The following ANKRD31 variants were observed in gnomAD, a reference collection of about 807,000 sequenced individuals.
ANKRD31 encodes the protein ankyrin repeat domain-containing protein 31.
In ANKRD31, 147 loss-of-function variants were observed where a neutral mutation model predicts 186.0. That is an observed-to-expected ratio of 0.79 (90% CI 0.69 to 0.91). The LOEUF (loss-of-function observed/expected upper bound fraction) is 0.91, where lower values mean the gene tolerates loss of function less well. Among genes scored for constraint, ANKRD31 ranks in the 40% least tolerant of loss-of-function variants. The pLI, the probability that ANKRD31 is intolerant of heterozygous loss-of-function variation, is 0.00. For missense variants in ANKRD31, 1,986 were observed against 2,148.8 expected, an observed-to-expected ratio of 0.92 and a Z score of 1.50; for synonymous variants, 673 against 736.4, an observed-to-expected ratio of 0.91 and a Z score of 1.39.
chr5:75,189,620 C>A (rs1237196147), intron 9 of ANKRD31, among the ~76,000 whole-genome samples: 1 of 152,200 alleles, frequency 6.6e-6, no homozygotes, highest in Non-Finnish European at 1.5e-5. Context: ...TTACCATAAT[C>A]AGAGCAGTCT....
Position 75,147,192 on chromosome 5 carries a change from A to G in ANKRD31, c.2219T>C (p.Val740Ala), listed in dbSNP as rs2150146593. ...RRKTQHKRTQ[V>A]DDVDCNPRKI... is the part of the protein sequence containing the mutation. Reference sequence around the variant, plus strand: ...TCTTGGATTACAGTCTACATCATCTACTTGGGTCCTTTTATGTTGTGTTTT... The same window carrying G: ...TCTTGGATTACAGTCTACATCATCTGCTTGGGTCCTTTTATGTTGTGTTTT... Residue 740 changes from valine (V) to alanine (A), a missense_variant, in exon 14 of 26, where the codon GTA becomes GCA. By Grantham distance (64) the Val-to-Ala change is moderately conservative (BLOSUM62 0). Coordinates refer to ENST00000506364, the MANE Select transcript of ANKRD31 (RefSeq NM_001372053.1). 1 of 1,536,188 alleles carries G rather than the reference A, an allele frequency of 6.5e-7. No individual in the cohort carries two copies. The highest frequency in any genetic ancestry group is 8.7e-7 in the Non-Finnish European group (1 of 1,146,262).
chr5:75,134,182 G>C (rs11171061), intron 17 of ANKRD31, among the ~76,000 whole-genome samples: 1 of 149,394 alleles, frequency 6.7e-6, no homozygotes, highest in Non-Finnish European at 1.5e-5. Context: ...AACTGAAGGA[G>C]ATAGAGACAC....
At chr5:75,082,503 G>T (rs542516143) in intron 24 of ANKRD31, among the ~76,000 whole-genome samples, 3 of 152,340 alleles carry the variant, frequency 2.0e-5, no homozygotes, top group Non-Finnish European at 2.9e-5. Context: ...CTGTTATTCA[G>T]AAATGTGTGC....
chr5:75,217,534 CT>C (rs1164978253), intron 3 of ANKRD31, among the ~76,000 whole-genome samples: 1 of 151,992 alleles, frequency 6.6e-6, no homozygotes, highest in Non-Finnish European at 1.5e-5. Flanking sequence ...CTTTTTTGAT[CT>C]TTGTTGCTTA....
chr5:75,091,273 A>C lies in ANKRD31; in HGVS notation c.5460T>G (p.Tyr1820Ter). The C allele has an allele frequency of 6.5e-7, 1 of 1,536,368 alleles. No homozygotes were observed. Among genetic ancestry groups the C allele is most frequent in the Non-Finnish European group, 8.7e-7 (1 of 1,146,694 alleles). The change falls in exon 23 of 26, where the codon TAT becomes TAG. Residue 1820 changes from tyrosine (Y) to a stop codon, truncating the protein, a stop_gained. Coordinates refer to ENST00000506364, the MANE Select transcript of ANKRD31 (RefSeq NM_001372053.1). LOFTEE classifies it high-confidence loss of function. ...AAGAATGACCCACCTTACTCCAAGC[A>C]TAATTCCAGGTCACATAACTGTTGC... is the stretch of plus-strand genomic sequence containing the variant. ...LGGNSYVTWN[Y>*]AWSKVTYLGK... is the part of the protein sequence containing the mutation.
At chr5:75,209,676 C>A (rs1029742310) in intron 4 of ANKRD31, among the ~76,000 whole-genome samples, 8 of 150,478 alleles carry the variant, frequency 5.3e-5, no homozygotes, top group Non-Finnish European at 1.2e-4. Flanking sequence ...GACTATGGTT[C>A]AAAAAAAAAG....
In ANKRD31 at chr5:75,236,732, C is replaced by T; in HGVS notation, c.-46G>A. 6.9e-7 allele frequency: 1 copy of T among 1,445,160 alleles called. No homozygotes were observed. The highest frequency in any genetic ancestry group is 2.5e-5 in the East Asian group (1 of 39,266). 89.5% of individuals were successfully genotyped at this position (1,445,160 alleles called of 1,614,324 possible). A position where few individuals can be genotyped will look rare whatever the true frequency, so the allele number is the denominator to read the frequency against. On this transcript the variant is annotated 5_prime_UTR_variant, in exon 1 of 26. Coordinates refer to ENST00000506364, the MANE Select transcript of ANKRD31 (RefSeq NM_001372053.1). ...CTTTTTTACCCTCCTCTAACTCCCT[C>T]TTGCCCGCAAACAAAAAAACGCTTT...
At position 75,103,241 on chromosome 5, in the gene ANKRD31, T is replaced by C. The variant is rs139892902; in HGVS notation, c.5331+987A>G. Among the ~76,000 whole-genome samples the C allele has an allele frequency of 1.1e-3, 164 of 152,210 alleles. 1 individual carries two copies. Among genetic ancestry groups the C allele is most frequent in the Admixed American group, 3.0e-3 (46 of 15,286 alleles). On this transcript the variant is annotated intron_variant, in intron 22 of 25. Coordinates refer to ENST00000506364, the MANE Select transcript of ANKRD31 (RefSeq NM_001372053.1). Reference sequence around the variant, plus strand: ...GGCATTCATATGGCCAACAAAGATATGAAAAAAAGCTCAACATCACTGATC... The same window carrying C: ...GGCATTCATATGGCCAACAAAGATACGAAAAAAAGCTCAACATCACTGATC...
intron 25 of ANKRD31, among the ~76,000 whole-genome samples, chr5:75,078,461 A>G (rs1744835657): frequency 6.6e-6 from 1 of 152,206 alleles, no homozygotes; most frequent in Admixed American, 6.5e-5. Context: ...AGCATGTGCT[A>G]TTTTCAAATG....
intron 25 of ANKRD31, among the ~76,000 whole-genome samples, chr5:75,074,899 C>T (rs1394802366): frequency 1.3e-5 from 2 of 152,242 alleles, no homozygotes; most frequent in East Asian, 3.9e-4. Context: ...ACCTCCCTAG[C>T]TTCTTCCTTT....
In ANKRD31 at chr5:75,104,880, T is replaced by G; in HGVS notation, c.4679A>C (p.Asn1560Thr). The G allele has an allele frequency of 6.5e-7, 1 of 1,537,188 alleles. No individual in the cohort carries two copies. The highest frequency in any genetic ancestry group is 8.7e-7 in the Non-Finnish European group (1 of 1,146,872). ...TTCTCCCCTTCTCACTGCCTCTGAA[T>G]TTAGACAAATGTTGGTATTTTGGCT... ...NYSQNTNICL[N>T]SEAVRRGEFS... is the part of the protein sequence containing the mutation. Residue 1560 changes from asparagine to threonine, a missense_variant, in exon 22 of 26, where the codon AAT becomes ACT. Coordinates refer to ENST00000506364, the MANE Select transcript of ANKRD31 (RefSeq NM_001372053.1).
intron 10 of ANKRD31, 109 bp downstream of exon 10, chr5:75,188,384 T>C: frequency 9.3e-7 from 1 of 1,074,526 alleles, no homozygotes; most frequent in Non-Finnish European, 1.3e-6. Context: ...TCTGAAAGCC[T>C]TCTGTTTGGA....
At position 75,147,137 on chromosome 5, in the gene ANKRD31, T is replaced by C; in HGVS notation, c.2274A>G (p.Arg758=). 1 of 1,536,344 alleles carries C rather than the reference T, an allele frequency of 6.5e-7. No individual in the cohort carries two copies. Among genetic ancestry groups the C allele is most frequent in the Non-Finnish European group, 8.7e-7 (1 of 1,146,322 alleles). ...RKILAVSPSR[R]INRLVTYQQH... is the part of the protein sequence containing the mutation. ...GCTGATAGGTAACCAATCTGTTTATTCTCCTGGAAGGAGAGACAGCTAGTA... is the reference window on the plus strand; with the variant it reads ...GCTGATAGGTAACCAATCTGTTTATCCTCCTGGAAGGAGAGACAGCTAGTA... Residue 758 remains arginine (R), a synonymous_variant, in exon 14 of 26, where the codon AGA becomes AGG. Coordinates refer to ENST00000506364, the MANE Select transcript of ANKRD31 (RefSeq NM_001372053.1).
At chr5:75,154,459 G>T in intron 11 of ANKRD31, 114 bp from the exon 12 acceptor site, 1 of 929,970 alleles carries the variant, frequency 1.1e-6, no homozygotes, top group Non-Finnish European at 1.4e-6. Context: ...ATACTGTTTG[G>T]ATTTATCTAT....
At chr5:75,185,489 C>T (rs1337842078) in intron 10 of ANKRD31, among the ~76,000 whole-genome samples, 3 of 151,974 alleles carry the variant, frequency 2.0e-5, no homozygotes, top group Non-Finnish European at 2.9e-5. Context: ...ATCTGGGATG[C>T]GGAGGTTGCA....
At chr5:75,114,945 G>A (rs1186124501) in intron 19 of ANKRD31, among the ~76,000 whole-genome samples, 7 of 151,966 alleles carry the variant, frequency 4.6e-5, no homozygotes, top group East Asian at 1.9e-4. Flanking sequence ...AGCCCGCATC[G>A]CCAAGTCAAT....
At chr5:75,209,626 G>A (rs866761275) in intron 4 of ANKRD31, among the ~76,000 whole-genome samples, 2 of 151,796 alleles carry the variant, frequency 1.3e-5, no homozygotes, top group Non-Finnish European at 1.5e-5. Flanking sequence ...GCAGTGACCC[G>A]AGATCACACC....
intron 12 of ANKRD31, 64 bp downstream of exon 12, chr5:75,154,137 T>G: frequency 7.8e-7 from 1 of 1,288,992 alleles, no homozygotes; most frequent in South Asian, 2.4e-5. Flanking sequence ...TCTTTAATTC[T>G]AAATTAAATT....
intron 17 of ANKRD31, among the ~76,000 whole-genome samples, chr5:75,128,881 C>G (rs986234839): frequency 1.3e-5 from 2 of 152,024 alleles, no homozygotes; most frequent in Non-Finnish European, 2.9e-5. Flanking sequence ...TTTAATAATT[C>G]TGTTTCCTTT....
Sources: allele counts gnomAD v4.1 joint callset (sites outside exome capture counted in the v4.1 genomes callset), GRCh38; gene constraint gnomAD v4.1.1; transcripts MANE v1.5; gene names NCBI Gene and HGNC (gene_info 2026-07-23, HGNC 2026-07-21).